ZDHHC3: variants seen among roughly 807,000 people sequenced by gnomAD.
The protein encoded by ZDHHC3 is zDHHC palmitoyltransferase 3.
A neutral mutation model predicts 30.6 loss-of-function variants in ZDHHC3; 9 were observed. That is an observed-to-expected ratio of 0.29 (90% CI 0.18 to 0.51). The LOEUF is 0.51. Ranked by LOEUF, ZDHHC3 falls within the 20% of genes least tolerant of loss-of-function variation. The probability of loss-of-function intolerance (pLI) is 0.97; values close to 1 mark genes in which losing one functional copy is unlikely to be tolerated. For synonymous variants in ZDHHC3, 136 were observed against 140.2 expected (o/e 0.97, Z 0.21); for missense variants, 246 against 384.2 (o/e 0.64, Z 3.01).
intron 2 of ZDHHC3, among the ~76,000 whole-genome samples, chr3:44,950,785 T>C (rs1165608471): frequency 6.6e-6 from 1 of 152,244 alleles, no homozygotes. Context: ...TATTAGTTCA[T>C]GGTAAGGAAC....
At position 44,968,698 on chromosome 3, in the gene ZDHHC3, AAACT is replaced by A. The variant is rs552417492; in HGVS notation, c.-25+7231_-25+7234del. On this transcript the variant is annotated intron_variant, in intron 1 of 6. Transcript: ENST00000424952. ...GTGACAGAGTGTGACCCTGTCAAAC[AAACT>A]AACTAATGAATAAATAAAAATTGAG... Among the ~76,000 whole-genome samples, 15 of 152,334 alleles carry A rather than the reference AAACT, an allele frequency of 9.8e-5. No homozygotes were observed. The South Asian group carries it at 1.9e-3, about 19-fold the overall frequency.
At chr3:44,936,361 T>C (rs1003961700) in intron 3 of ZDHHC3, among the ~76,000 whole-genome samples, 4 of 152,138 alleles carry the variant, frequency 2.6e-5, no homozygotes, top group African/African-American at 9.7e-5. Context: ...AAACAACAGA[T>C]GCTGGCGAAA....
At chr3:44,958,516 C>T in intron 2 of ZDHHC3, 1 of 1,319,318 alleles carries the variant, frequency 7.6e-7, no homozygotes, top group South Asian at 1.3e-5. Context: ...CATTCAATAG[C>T]CACGTGCGCA....
chr3:44,962,844 C>T (rs1463347732), intron 1 of ZDHHC3, among the ~76,000 whole-genome samples: 2 of 152,214 alleles, frequency 1.3e-5, no homozygotes, highest in Non-Finnish European at 2.9e-5. Flanking sequence ...CTATTTACTA[C>T]TGCTAATTGG....
chr3:44,934,377 T>C (rs1701760726), intron 3 of ZDHHC3, among the ~76,000 whole-genome samples: 1 of 151,638 alleles, frequency 6.6e-6, no homozygotes, highest in Non-Finnish European at 1.5e-5. Context: ...CTGCTACCTA[T>C]TTCCCCAAAA....
chr3:44,955,473 A>ATG (rs1235407574), intron 2 of ZDHHC3, among the ~76,000 whole-genome samples: 1 of 147,676 alleles, frequency 6.8e-6, no homozygotes, highest in Non-Finnish European at 1.5e-5. Context: ...ATATATATAT[A>ATG]TATGTATATA....
intron 1 of ZDHHC3, among the ~76,000 whole-genome samples, chr3:44,960,324 G>A (rs182918410): frequency 6.6e-6 from 1 of 152,286 alleles, no homozygotes; most frequent in East Asian, 1.9e-4. Flanking sequence ...TGAAGGTTGA[G>A]GGAACTGGTG....
Position 44,924,943 on chromosome 3 carries a change from G to C in ZDHHC3, c.*1746C>G. 1.0e-6 allele frequency: 1 copy of C among 985,568 alleles called. No homozygotes were observed. Among genetic ancestry groups the C allele is most frequent in the Non-Finnish European group, 1.2e-6 (1 of 829,942 alleles). The allele number at this position is 985,568 out of a possible 1,614,324, so 61.1% of individuals were successfully genotyped here. A position where few individuals can be genotyped will look rare whatever the true frequency, so the allele number is the denominator to read the frequency against. ...GGAAAGCTCTTAGGAGAGCCCATCA[G>C]CACAAAGGAATTGATTCAGGCTGCA... On this transcript the variant is annotated 3_prime_UTR_variant, in exon 7 of 7. Coordinates refer to ENST00000424952, the MANE Select transcript of ZDHHC3 (RefSeq NM_001135179.2).
At chr3:44,972,889 T>C (rs1440813620) in intron 1 of ZDHHC3, among the ~76,000 whole-genome samples, 4 of 152,212 alleles carry the variant, frequency 2.6e-5, no homozygotes, top group African/African-American at 4.8e-5. Context: ...TATCTGAGTA[T>C]GGCATACGGT....
chr3:44,947,345 C>T (rs1703037223), intron 2 of ZDHHC3, among the ~76,000 whole-genome samples: 1 of 152,182 alleles, frequency 6.6e-6, no homozygotes, highest in African/African-American at 2.4e-5. Context: ...CAGTCAGTGG[C>T]ATAGCACAAA....
chr3:44,922,148 CTA>C lies in ZDHHC3; in HGVS notation c.*4539_*4540del. 1 of 985,434 alleles carries C rather than the reference CTA, an allele frequency of 1.0e-6. No homozygotes were observed. Among genetic ancestry groups the C allele is most frequent in the South Asian group, 4.7e-5 (1 of 21,282 alleles). 61.0% of individuals were successfully genotyped at this position (985,434 alleles called of 1,614,324 possible). On this transcript the variant is annotated 3_prime_UTR_variant, in exon 7 of 7. Coordinates refer to ENST00000424952, the MANE Select transcript of ZDHHC3 (RefSeq NM_001135179.2). ...TGCTTCACTGTGAATTCTTTCTCTT[CTA>C]TGAGGTGATCCTAAGCCAGATACAT...
chr3:44,929,583 G>C (rs1213259035), intron 5 of ZDHHC3, 147 bp from the exon 6 acceptor site: 1 of 1,113,422 alleles, frequency 9.0e-7, no homozygotes, highest in Non-Finnish European at 1.3e-6. Flanking sequence ...CCAGGCTACG[G>C]TGAGAATCAT....
At chr3:44,937,778 C>T (rs546310922) in intron 3 of ZDHHC3, 250 of 358,316 alleles carry the variant, frequency 7.0e-4, no homozygotes, top group Non-Finnish European at 1.2e-3. Flanking sequence ...GCACCCGCCG[C>T]ATGGGTCTGT....
chr3:44,935,008 G>C (rs764255294), intron 3 of ZDHHC3, among the ~76,000 whole-genome samples: 1 of 151,612 alleles, frequency 6.6e-6, no homozygotes, highest in Non-Finnish European at 1.5e-5. Context: ...CCTGTTTCAA[G>C]CTTATTTGAT....
At chr3:44,945,707 G>A (rs1054894427) in intron 2 of ZDHHC3, among the ~76,000 whole-genome samples, 3 of 151,948 alleles carry the variant, frequency 2.0e-5, no homozygotes, top group Admixed American at 6.6e-5. Context: ...ATAGGTGCTC[G>A]CCACCACGCC....
chr3:44,918,850 G>A lies in ZDHHC3; in HGVS notation c.*7839C>T. The A allele has an allele frequency of 1.0e-6, 1 of 987,204 alleles. No homozygotes were observed. The highest frequency in any genetic ancestry group is 1.7e-5 in the African/African-American group (1 of 57,354). The allele number at this position is 987,204 out of a possible 1,614,324, so 61.2% of individuals were successfully genotyped here. A position where few individuals can be genotyped will look rare whatever the true frequency, so the allele number is the denominator to read the frequency against. On this transcript the variant is annotated 3_prime_UTR_variant, in exon 7 of 7. Coordinates refer to ENST00000424952, the MANE Select transcript of ZDHHC3 (RefSeq NM_001135179.2). ...CAGGCCACAGAAAGGGTGTTGGGGT[G>A]GGGAGATGCCCAGAGGAGGTAAAGA...
At chr3:44,961,991 G>A (rs1373662763) in intron 1 of ZDHHC3, among the ~76,000 whole-genome samples, 3 of 152,152 alleles carry the variant, frequency 2.0e-5, no homozygotes, top group Non-Finnish European at 2.9e-5. Flanking sequence ...AGCAGTTGTT[G>A]GCTATCAAAT....
At chr3:44,968,574 T>C (rs922246065) in intron 1 of ZDHHC3, among the ~76,000 whole-genome samples, 2 of 152,162 alleles carry the variant, frequency 1.3e-5, no homozygotes, top group African/African-American at 2.4e-5. Context: ...TGTGTGCTTA[T>C]AGTCCCAGCT....
intron 1 of ZDHHC3, among the ~76,000 whole-genome samples, chr3:44,972,619 T>A (rs1278504371): frequency 6.6e-6 from 1 of 152,178 alleles, no homozygotes; most frequent in Non-Finnish European, 1.5e-5. Flanking sequence ...TAGCAGCAGC[T>A]CTTTACCTTT....
Sources: gnomAD v4.1 joint callset for allele counts (sites outside exome capture counted in the v4.1 genomes callset) on GRCh38, gnomAD v4.1.1 for gene constraint, MANE v1.5 for transcripts, NCBI Gene and HGNC (gene_info 2026-07-23, HGNC 2026-07-21) for gene names.